Variants in TENM2 observed in about 807,000 individuals in gnomAD.
The protein encoded by TENM2 is teneurin transmembrane protein 2.
TENM2 carries 52 observed loss-of-function variants against 245.2 expected under a neutral mutation model. The observed-to-expected ratio is 0.21, with a 90% CI of 0.17 to 0.27. The LOEUF is 0.27. Ranked by LOEUF, TENM2 falls within the 10% of genes least tolerant of loss-of-function variation. The probability of loss-of-function intolerance (pLI) is 1.00; values close to 1 mark genes in which losing one functional copy is unlikely to be tolerated. For missense variants in TENM2, 3,046 were observed against 3,666.8 expected (o/e 0.83, Z 4.37); for synonymous variants, 1,363 against 1,438.9 (o/e 0.95, Z 1.19).
At chr5:167,769,195 A>G (rs1209316670) in intron 2 of TENM2, among the ~76,000 whole-genome samples, 1 of 152,254 alleles carries the variant, frequency 6.6e-6, no homozygotes, top group Non-Finnish European at 1.5e-5. Flanking sequence ...AGTGATGACT[A>G]TGGTGCTTTG....
At position 168,211,875 on chromosome 5, in the gene TENM2, CT is replaced by C. The variant is rs901907528; in HGVS notation, c.3845+127del. ...TATTTTTATGTACCAAATATAGTAA[CT>C]TTTTTATGTGCTAATTGTGTGTTGT... On this transcript the variant is annotated intron_variant, in intron 20 of 28. Transcript: ENST00000518659. 4 of 586,990 alleles carry C rather than the reference CT, an allele frequency of 6.8e-6. No individual in the cohort carries two copies. In the Admixed American group the frequency reaches 1.2e-4, roughly 17 times the overall value. The allele number at this position is 586,990 out of a possible 1,614,324, so 36.4% of individuals were successfully genotyped here. A position where few individuals can be genotyped will look rare whatever the true frequency, so the allele number is the denominator to read the frequency against.
chr5:167,800,603 C>T (rs1765638561), intron 2 of TENM2, among the ~76,000 whole-genome samples: 1 of 152,186 alleles, frequency 6.6e-6, no homozygotes. Context: ...TGTTAGTTTT[C>T]AAGTCTTGCA....
At chr5:167,908,282 C>T (rs1265296030) in intron 3 of TENM2, among the ~76,000 whole-genome samples, 1 of 151,350 alleles carries the variant, frequency 6.6e-6, no homozygotes, top group Non-Finnish European at 1.5e-5. Flanking sequence ...GGATCCGATC[C>T]TCCCTTTCCC....
the TENM2 span, among the ~76,000 whole-genome samples, chr5:167,007,521 A>G: frequency 6.6e-6 from 1 of 152,224 alleles, no homozygotes; most frequent in African/African-American, 2.4e-5. This position sits in a 1 kb window ranked among gnomAD's most constrained non-coding sequence, Gnocchi z 4.2. Flanking sequence ...ACCATGCCTC[A>G]ATCTTTCCCA....
chr5:167,463,245 A>G (rs1479932591), intron 2 of TENM2, among the ~76,000 whole-genome samples: 1 of 152,158 alleles, frequency 6.6e-6, no homozygotes, highest in East Asian at 1.9e-4. Context: ...TGTATGAATG[A>G]CTACTGATAA....
intron 2 of TENM2, among the ~76,000 whole-genome samples, chr5:167,630,260 A>T (rs930100325): frequency 7.2e-5 from 11 of 151,910 alleles, no homozygotes; most frequent in Admixed American, 2.6e-4. Flanking sequence ...GGCCATTATC[A>T]GGTAGAATAG....
chr5:167,451,053 G>C lies in TENM2; in HGVS notation c.502+75580G>C. The stretch of plus-strand genomic sequence containing the variant: ...GTATTACAAAATGAATCACTAAACT[G>C]TTTCGTAAAATGTATTTCCACTTCT... On this transcript the variant is annotated intron_variant, in intron 2 of 28. Transcript: ENST00000518659. Among the ~76,000 whole-genome samples the C allele has an allele frequency of 1.3e-5, 2 of 152,138 alleles. 1 individual carries two copies. Among genetic ancestry groups the C allele is most frequent in the Non-Finnish European group, 2.9e-5 (2 of 68,028 alleles).
At chr5:167,129,963 TC>T in the TENM2 span, among the ~76,000 whole-genome samples, 3 of 152,056 alleles carry the variant, frequency 2.0e-5, no homozygotes, top group African/African-American at 7.2e-5. Context: ...GAGGGAAAAA[TC>T]CTGTTCCATA....
intron 12 of TENM2, among the ~76,000 whole-genome samples, chr5:168,158,298 G>C (rs1224635384): frequency 6.6e-6 from 1 of 152,082 alleles, no homozygotes; most frequent in Non-Finnish European, 1.5e-5. Context: ...CCTGGGAAGA[G>C]GACTTTTGAT....
chr5:168,148,564 T>C (rs1756322642), intron 12 of TENM2, among the ~76,000 whole-genome samples: 1 of 152,190 alleles, frequency 6.6e-6, no homozygotes, highest in Admixed American at 6.5e-5. Context: ...ATGTTCACGA[T>C]AATTCAGGGT....
At chr5:167,534,167 G>C (rs1331213658) in intron 2 of TENM2, among the ~76,000 whole-genome samples, 1 of 152,172 alleles carries the variant, frequency 6.6e-6, no homozygotes, top group East Asian at 1.9e-4. Flanking sequence ...AGTGTCAAAT[G>C]AGGATTACAT....
intron 5 of TENM2, among the ~76,000 whole-genome samples, chr5:168,015,366 C>T (rs897883818): frequency 7.2e-5 from 11 of 152,162 alleles, no homozygotes; most frequent in African/African-American, 1.9e-4. Context: ...AACTTGTCCA[C>T]GACACAAGGC....
chr5:166,985,038 A>G, the TENM2 span, among the ~76,000 whole-genome samples: 2 of 152,210 alleles, frequency 1.3e-5, no homozygotes, highest in African/African-American at 2.4e-5. Context: ...CTAAGAAAGT[A>G]AATGCCAATA....
intron 5 of TENM2, among the ~76,000 whole-genome samples, chr5:167,993,635 G>A (rs1289921440): frequency 6.6e-6 from 1 of 152,226 alleles, no homozygotes; most frequent in African/African-American, 2.4e-5. Flanking sequence ...GAAAGCCAAA[G>A]TAGCTAGCTT....
At chr5:167,672,195 A>T (rs994217696) in intron 2 of TENM2, among the ~76,000 whole-genome samples, 3 of 152,134 alleles carry the variant, frequency 2.0e-5, no homozygotes, top group African/African-American at 7.2e-5. Context: ...TCATAAAATA[A>T]CAAAAGACAA....
rs77904690 is a variant in TENM2, at chr5:167,896,649, G to A, written c.712+20454G>A. On this transcript the variant is annotated intron_variant, in intron 3 of 28. Coordinates refer to ENST00000518659, the Ensembl canonical transcript of TENM2. ...GAAATGTGCCCTTATTAAAAAGCAC[G>A]GAGACATAGGAAGAAGTCCTGGAAC... Among the ~76,000 whole-genome samples, 251 of 152,242 alleles carry A rather than the reference G, an allele frequency of 1.6e-3. 1 individual carries two copies. Among genetic ancestry groups the A allele is most frequent in the African/African-American group, 5.2e-3 (215 of 41,558 alleles).
At chr5:167,128,493 T>TGGATGCTGC in the TENM2 span, among the ~76,000 whole-genome samples, 1 of 151,696 alleles carries the variant, frequency 6.6e-6, no homozygotes, top group Admixed American at 6.6e-5. Flanking sequence ...ACAGGTGATA[T>TGGATGCTGC]GGATGCTGCT....
intron 13 of TENM2, among the ~76,000 whole-genome samples, chr5:168,174,580 T>C (rs1305944372): frequency 2.0e-5 from 3 of 152,196 alleles, no homozygotes; most frequent in African/African-American, 7.2e-5. Context: ...AATGTGCATT[T>C]CTCACAAGTG....
In TENM2 at chr5:168,244,592, A is replaced by G. The variant is rs1406057283; in HGVS notation, c.5693A>G (p.Asn1898Ser). The change falls in exon 26 of 29, where the codon AAT (asparagine) becomes AGT (serine). Residue 1898 changes from asparagine to serine, a missense_variant. Asn to Ser is a conservative substitution (Grantham distance 46, BLOSUM62 1). Coordinates refer to ENST00000518659, the Ensembl canonical transcript of TENM2. The surrounding 1 kb of genome is among the most constrained non-coding windows in gnomAD (Gnocchi z 4.9). ...GCTGTCAACGTGTCATACTTCTTCA[A>G]TGGGCGCCTGGCTGGGCTTCAGCGT... The G allele has an allele frequency of 1.9e-6, 3 of 1,607,878 alleles. No homozygotes were observed. Among genetic ancestry groups the G allele is most frequent in the East Asian group, 2.2e-5 (1 of 44,672 alleles).
Sources: gnomAD v4.1 joint callset for allele counts (sites outside exome capture counted in the v4.1 genomes callset) on GRCh38, gnomAD v4.1.1 for gene constraint, Gnocchi (gnomAD v3.1) non-coding constraint, MANE v1.5 for transcripts, NCBI Gene and HGNC (gene_info 2026-07-23, HGNC 2026-07-21) for gene names.